The following EIF3K variants were observed in gnomAD, a reference collection of about 807,000 sequenced individuals.
The protein encoded by EIF3K is eIF-3 p28.
Under a neutral mutation model 34.2 loss-of-function variants are expected in EIF3K, and 27 were observed. That is an observed-to-expected ratio of 0.79 (90% CI 0.58 to 1.09). EIF3K has a LOEUF of 1.09. Ranked by LOEUF, EIF3K falls within the 50% of genes least tolerant of loss-of-function variation. The pLI is 0.00. For missense variants in EIF3K, 232 were observed against 275.4 expected, an observed-to-expected ratio of 0.84 and a Z score of 1.11; for synonymous variants, 105 against 105.7, an observed-to-expected ratio of 0.99 and a Z score of 0.04.
At chr19:38,633,143 G>T (rs968839466) in intron 6 of EIF3K, among the ~76,000 whole-genome samples, 2 of 152,068 alleles carry the variant, frequency 1.3e-5, no homozygotes, top group African/African-American at 4.8e-5. Flanking sequence ...AACGTTCATG[G>T]GTAGCCAGGG....
intron 4 of EIF3K, among the ~76,000 whole-genome samples, chr19:38,627,742 G>A (rs1442468736): frequency 1.3e-5 from 2 of 151,232 alleles, no homozygotes; most frequent in Non-Finnish European, 2.9e-5. Flanking sequence ...ATTCTTAGAC[G>A]CTTAGAAAGT....
intron 6 of EIF3K, among the ~76,000 whole-genome samples, chr19:38,634,254 G>A (rs966935263): frequency 8.4e-5 from 12 of 143,244 alleles, no homozygotes; most frequent in Admixed American, 5.0e-4. Context: ...CTGCCACCTC[G>A]CCCAGCTAAT....
intron 2 of EIF3K, 84 bp from the exon 3 acceptor site, chr19:38,623,993 A>G (rs1975895936): frequency 1.3e-6 from 2 of 1,594,600 alleles, no homozygotes; most frequent in South Asian, 1.1e-5. Flanking sequence ...CCCAAACTCC[A>G]GAATAAAGCA....
chr19:38,620,610 A>T (rs565847743), intron 2 of EIF3K, among the ~76,000 whole-genome samples, 175 bp downstream of exon 2: 76 of 152,204 alleles, frequency 5.0e-4, no homozygotes, highest in Non-Finnish European at 8.8e-4. Context: ...TGAAAAATCA[A>T]TTGCCGGGCG....
chr19:38,621,597 G>T lies in EIF3K; in HGVS notation c.158+1162G>T, dbSNP rs188559621. On this transcript the variant is annotated intron_variant, in intron 2 of 7. Coordinates refer to ENST00000248342, the MANE Select transcript of EIF3K (RefSeq NM_013234.4). Reference sequence around the variant, plus strand: ...CCAACCAATTCCCCTGCTCCCCCATGCTCTCATGGCCTGGCTTTATGTGAT... The same window carrying T: ...CCAACCAATTCCCCTGCTCCCCCATTCTCTCATGGCCTGGCTTTATGTGAT... Among the ~76,000 whole-genome samples, 328 of 152,250 alleles carry T rather than the reference G, an allele frequency of 2.2e-3. 2 individuals are homozygous for T. The highest frequency in any genetic ancestry group is 0.011 in the South Asian group (53 of 4,828).
intron 6 of EIF3K, among the ~76,000 whole-genome samples, chr19:38,633,581 C>T (rs1007809399): frequency 1.3e-5 from 2 of 151,858 alleles, no homozygotes; most frequent in African/African-American, 4.8e-5. Flanking sequence ...ACCTGTAATC[C>T]CAGCTACTTG....
chr19:38,633,833 C>T (rs750917943), intron 6 of EIF3K, among the ~76,000 whole-genome samples: 2 of 150,100 alleles, frequency 1.3e-5, no homozygotes, highest in African/African-American at 4.9e-5. Context: ...ATTAGCTGGA[C>T]GTGTTGGCAT....
Position 38,634,982 on chromosome 19 carries a change from G to T in EIF3K, c.500-11G>T. On this transcript the variant is annotated splice_polypyrimidine_tract_variant and intron_variant, in intron 6 of 7. Transcript: ENST00000248342. ...CTGACTGAAGCCCCTTGCTGCCCCT[G>T]TCACCTGCAGACAGCCAGCTAAAGG... is the stretch of plus-strand genomic sequence containing the variant. The T allele has an allele frequency of 1.2e-6, 2 of 1,614,010 alleles. No homozygotes were observed. The highest frequency in any genetic ancestry group is 1.7e-6 in the Non-Finnish European group (2 of 1,180,000).
At chr19:38,628,767 T>G (rs143976691) in intron 4 of EIF3K, among the ~76,000 whole-genome samples, 3 of 151,400 alleles carry the variant, frequency 2.0e-5, no homozygotes, top group Non-Finnish European at 4.4e-5. Context: ...GAGATTGCGG[T>G]GAGCCGAGAT....
rs369875603 is a variant in EIF3K at position 38,627,059 on chromosome 19, T to A, written c.354+957T>A. Among the ~76,000 whole-genome samples the A allele has an allele frequency of 3.3e-4, 50 of 152,266 alleles. No individual in the cohort carries two copies. The East Asian group carries it at 9.5e-3, about 29-fold the overall frequency. On this transcript the variant is annotated intron_variant, in intron 4 of 7. Coordinates refer to ENST00000248342, the MANE Select transcript of EIF3K (RefSeq NM_013234.4). ...TGGAGTGCAGTGGCGCGATCTTGGC[T>A]TACTGCAACTGCCGCCTCCCGAGTT... is the stretch of plus-strand genomic sequence containing the variant.
At chr19:38,634,961 C>G (rs201354662) in intron 6 of EIF3K, 32 bp from the exon 7 acceptor site, 15 of 1,613,612 alleles carry the variant, frequency 9.3e-6, no homozygotes, top group East Asian at 8.9e-5. Context: ...ATCAGGCTGA[C>G]TGAAGCCCCT....
chr19:38,632,081 T>C (rs933329845), intron 4 of EIF3K: 7 of 240,004 alleles, frequency 2.9e-5, no homozygotes, highest in Admixed American at 5.2e-5. Context: ...GATCTTTCTT[T>C]TCCCCACACA....
chr19:38,635,426 G>C (rs1051199525), intron 7 of EIF3K: 1 of 421,992 alleles, frequency 2.4e-6, no homozygotes, highest in African/African-American at 2.0e-5. Flanking sequence ...GGCCTGTCTC[G>C]TTGGCCATCT....
chr19:38,620,889 C>T lies in EIF3K; in HGVS notation c.158+454C>T, dbSNP rs139479268. Among the ~76,000 whole-genome samples the T allele has an allele frequency of 7.3e-3, 1,094 of 149,138 alleles. 14 individuals are homozygous for T. The highest frequency in any genetic ancestry group is 0.025 in the African/African-American group (1,010 of 40,430). The stretch of plus-strand genomic sequence containing the variant: ...AGCCTGGGCAACAAGACCGAAACTC[C>T]GTCTCAAAAATAATAATAAAAAATC... On this transcript the variant is annotated intron_variant, in intron 2 of 7. Transcript: ENST00000248342.
intron 1 of EIF3K, 30 bp from the exon 2 acceptor site, chr19:38,620,307 C>T: frequency 6.2e-7 from 1 of 1,602,040 alleles, no homozygotes; most frequent in South Asian, 1.1e-5. Context: ...TCTGTCTCCT[C>T]TGTGCTCACC....
In EIF3K at chr19:38,619,341, T is replaced by C; in HGVS notation, c.59+14T>C. ...GGGTATCGACAGGTCTGAGCCCGGTTGGAGGAAGCGCTCTGGCCAAGCGGG... is the reference window on the plus strand; with the variant it reads ...GGGTATCGACAGGTCTGAGCCCGGTCGGAGGAAGCGCTCTGGCCAAGCGGG... On this transcript the variant is annotated intron_variant, in intron 1 of 7. Transcript: ENST00000248342. The C allele has an allele frequency of 6.2e-7, 1 of 1,613,482 alleles. No individual in the cohort carries two copies. Among genetic ancestry groups the C allele is most frequent in the Non-Finnish European group, 8.5e-7 (1 of 1,179,654 alleles).
chr19:38,624,722 A>C (rs1024809740), intron 3 of EIF3K, among the ~76,000 whole-genome samples: 3 of 151,990 alleles, frequency 2.0e-5, no homozygotes, highest in African/African-American at 7.3e-5. Flanking sequence ...TGGGTGACAC[A>C]GTGAGACTCT....
At chr19:38,627,186 A>G (rs1374808943) in intron 4 of EIF3K, among the ~76,000 whole-genome samples, 5 of 151,834 alleles carry the variant, frequency 3.3e-5, no homozygotes, top group East Asian at 2.0e-4. Context: ...GGGTTTTGCC[A>G]TGTTGTCCAG....
At chr19:38,626,729 C>G (rs1975958954) in intron 4 of EIF3K, among the ~76,000 whole-genome samples, 1 of 152,176 alleles carries the variant, frequency 6.6e-6, no homozygotes, top group Non-Finnish European at 1.5e-5. Context: ...TCTGCAGCCC[C>G]CTAAGTGGGA....
Sources: gnomAD v4.1 joint callset for allele counts (sites outside exome capture counted in the v4.1 genomes callset) on GRCh38, gnomAD v4.1.1 for gene constraint, MANE v1.5 for transcripts, NCBI Gene and HGNC (gene_info 2026-07-23, HGNC 2026-07-21) for gene names.